The following SEC24B variants were observed in gnomAD, a reference collection of about 807,000 sequenced individuals.
SEC24B encodes SEC24 homolog B, COPII component.
In SEC24B, 45 loss-of-function variants were observed where a neutral mutation model predicts 142.8. That is an observed-to-expected ratio of 0.32 (90% CI 0.25 to 0.40). SEC24B has a LOEUF of 0.40. SEC24B is among the 10% of genes least tolerant of loss of function. The pLI, the probability that SEC24B is intolerant of heterozygous loss-of-function variation, is 1.00. For synonymous variants in SEC24B, 574 were observed against 568.2 expected, an observed-to-expected ratio of 1.01 and a Z score of -0.15; for missense variants, 1,409 against 1,526.8, an observed-to-expected ratio of 0.92 and a Z score of 1.29.
intron 3 of SEC24B, 143 bp from the exon 4 acceptor site, chr4:109,481,534 A>G: frequency 1.6e-6 from 1 of 606,620 alleles, no homozygotes. Context: ...TAGTTTTGAT[A>G]ATGAATTTGC....
At chr4:109,507,444 T>A (rs1169125171) in intron 7 of SEC24B, among the ~76,000 whole-genome samples, 2 of 151,574 alleles carry the variant, frequency 1.3e-5, no homozygotes, top group African/African-American at 2.4e-5. Flanking sequence ...TGTCTAATTT[T>A]TGTATTTTTA....
At position 109,533,665 on chromosome 4, in the gene SEC24B, G is replaced by A. The variant is rs751903722; in HGVS notation, c.3568G>A (p.Ala1190Thr). The change falls in exon 22 of 24, where the codon GCA becomes ACA. Residue 1190 changes from alanine (A) to threonine (T), a missense_variant. Physicochemically the swap from Ala to Thr is moderately conservative, Grantham distance 58. Transcript: ENST00000265175. Reference sequence around the variant, plus strand: ...GGATGTGCTTGGATATACTAATTTTGCATCAATACCACAGAAAATGGTCAG... The same window carrying A: ...GGATGTGCTTGGATATACTAATTTTACATCAATACCACAGAAAATGGTCAG... ...IEDVLGYTNF[A>T]SIPQKMTHLP... The A allele has an allele frequency of 1.9e-6, 3 of 1,601,730 alleles. No individual in the cohort carries two copies. The highest frequency in any genetic ancestry group is 1.7e-6 in the Non-Finnish European group (2 of 1,173,014).
chr4:109,493,315 T>A (rs932972592), intron 5 of SEC24B, among the ~76,000 whole-genome samples: 1 of 152,288 alleles, frequency 6.6e-6, no homozygotes, highest in East Asian at 1.9e-4. Flanking sequence ...GTTAAATGTT[T>A]CTAAGAATAT....
intron 1 of SEC24B, among the ~76,000 whole-genome samples, chr4:109,444,877 T>C (rs1448985908): frequency 1.3e-5 from 2 of 152,228 alleles, no homozygotes; most frequent in Non-Finnish European, 2.9e-5. Flanking sequence ...CATAGTTCAC[T>C]TGAAGCTAAG....
chr4:109,436,317 T>C (rs1484865687), intron 1 of SEC24B, among the ~76,000 whole-genome samples: 1 of 152,194 alleles, frequency 6.6e-6, no homozygotes, highest in Admixed American at 6.5e-5. Context: ...GGTATCAGCA[T>C]GTAGTAAGCA....
Position 109,526,283 on chromosome 4 carries a change from C to A in SEC24B, c.2849C>A (p.Ser950Tyr). 1 of 1,614,008 alleles carries A rather than the reference C, an allele frequency of 6.2e-7. No homozygotes were observed. Among genetic ancestry groups the A allele is most frequent in the Non-Finnish European group, 8.5e-7 (1 of 1,179,946 alleles). The change falls in exon 17 of 24, where the codon TCC (serine) becomes TAC (tyrosine). Residue 950 changes from serine to tyrosine, a missense_variant. Physicochemically the swap from Ser to Tyr is moderately radical, Grantham distance 144. This residue lies in a region of SEC24B where 700 missense variants were observed against 853.3 expected (regional missense o/e 0.82). Coordinates refer to ENST00000265175, the MANE Select transcript of SEC24B (RefSeq NM_006323.5). Reference protein sequence around the residue: ...NFFVRSTDLLSLANINPDAGF... With the variant: ...NFFVRSTDLLYLANINPDAGF... ...TTTGTCCGTTCTACTGATTTGTTATCCCTTGCCAACATCAATCCTGATGCT... is the reference window on the plus strand; with the variant it reads ...TTTGTCCGTTCTACTGATTTGTTATACCTTGCCAACATCAATCCTGATGCT...
At chr4:109,461,114 G>T (rs532050449) in intron 1 of SEC24B, among the ~76,000 whole-genome samples, 1 of 152,064 alleles carries the variant, frequency 6.6e-6, no homozygotes, top group African/African-American at 2.4e-5. Flanking sequence ...TAAGGAAATC[G>T]CAATGCTACA....
chr4:109,526,235 T>A lies in SEC24B; in HGVS notation c.2801T>A (p.Met934Lys). 6.2e-7 allele frequency: 1 copy of A among 1,613,752 alleles called. No homozygotes were observed. Among genetic ancestry groups the A allele is most frequent in the East Asian group, 2.2e-5 (1 of 44,834 alleles). ...ATTTTCTCCTTTTTAGGTCTTTCAA[T>A]GCACACTTTTCACGGTAACTTCTTT... is the stretch of plus-strand genomic sequence containing the variant. ...MRIRCTKGLS[M>K]HTFHGNFFVR... Residue 934 changes from methionine to lysine, a missense_variant, in exon 17 of 24, where the codon ATG becomes AAG. Transcript: ENST00000265175.
chr4:109,444,669 C>T (rs1173274246), intron 1 of SEC24B, among the ~76,000 whole-genome samples: 1 of 151,708 alleles, frequency 6.6e-6, no homozygotes, highest in African/African-American at 2.4e-5. Flanking sequence ...TTTAGTCCTG[C>T]TAAGGAGGGC....
intron 11 of SEC24B, among the ~76,000 whole-genome samples, chr4:109,518,924 A>T (rs765399908): frequency 1.3e-5 from 2 of 149,406 alleles, no homozygotes; most frequent in Non-Finnish European, 2.9e-5. Context: ...CTCCCACTTC[A>T]GCCTCCTTAG....
intron 3 of SEC24B, among the ~76,000 whole-genome samples, chr4:109,478,285 TAAA>T (rs10616592): frequency 7.0e-6 from 1 of 142,104 alleles, no homozygotes; most frequent in African/African-American, 2.6e-5. Flanking sequence ...GACTCTGTCT[TAAA>T]AAAAAAAAAA....
intron 18 of SEC24B, among the ~76,000 whole-genome samples, chr4:109,529,109 G>A (rs571214569): frequency 6.6e-6 from 1 of 151,802 alleles, no homozygotes; most frequent in South Asian, 2.1e-4. Context: ...GTTGCAATGA[G>A]CCAAGATCGC....
chr4:109,486,727 T>C (rs1039255266), intron 4 of SEC24B, among the ~76,000 whole-genome samples: 12 of 152,230 alleles, frequency 7.9e-5, no homozygotes, highest in South Asian at 2.1e-4. Flanking sequence ...ACCAAAGCCA[T>C]TGATTCAGTG....
intron 4 of SEC24B, among the ~76,000 whole-genome samples, chr4:109,484,579 A>G (rs919029870): frequency 4.6e-5 from 7 of 152,122 alleles, no homozygotes; most frequent in African/African-American, 1.4e-4. Context: ...GGCTAGGTGC[A>G]GTGGCTCACG....
chr4:109,496,293 A>G (rs975022837), intron 6 of SEC24B, among the ~76,000 whole-genome samples: 4 of 151,930 alleles, frequency 2.6e-5, no homozygotes, highest in African/African-American at 9.7e-5. Flanking sequence ...TTGTATTTTT[A>G]GTAGAGATGG....
At chr4:109,455,006 C>T (rs28597954) in intron 1 of SEC24B, among the ~76,000 whole-genome samples, 18,012 of 152,178 alleles carry the variant, frequency 0.12, 3,542 homozygotes, top group African/African-American at 0.41. Context: ...CATGGCTGTC[C>T]GTACTTTGTT....
chr4:109,529,422 C>T (rs1724645940), intron 18 of SEC24B, among the ~76,000 whole-genome samples: 1 of 151,588 alleles, frequency 6.6e-6, no homozygotes, highest in Non-Finnish European at 1.5e-5. Context: ...ATTTTTAGTG[C>T]TTGGGCATAT....
chr4:109,469,433 A>G lies in SEC24B; in HGVS notation c.878-3571A>G, dbSNP rs374125509. ...TAGTGCTATCCTCATAAAGTTTGCAATTCACTTAGAGAAGCAAGTATTATC... is the reference window on the plus strand; with the variant it reads ...TAGTGCTATCCTCATAAAGTTTGCAGTTCACTTAGAGAAGCAAGTATTATC... On this transcript the variant is annotated intron_variant, in intron 2 of 23. Transcript: ENST00000265175. 1.4e-3 allele frequency among the ~76,000 whole-genome samples: 216 copies of G among 152,356 alleles called. 2 individuals carry two copies. Among genetic ancestry groups the G allele is most frequent in the African/African-American group, 4.8e-3 (200 of 41,586 alleles).
At chr4:109,462,341 G>A (rs1187384308) in intron 1 of SEC24B, among the ~76,000 whole-genome samples, 1 of 152,204 alleles carries the variant, frequency 6.6e-6, no homozygotes, top group Non-Finnish European at 1.5e-5. Flanking sequence ...AGATAAACTT[G>A]GGAGCAGCCT....
Sources: allele counts gnomAD v4.1 joint callset (sites outside exome capture counted in the v4.1 genomes callset), GRCh38; gene constraint gnomAD v4.1.1; regional missense constraint gnomAD v4.1.1; transcripts MANE v1.5; gene names NCBI Gene and HGNC (gene_info 2026-07-23, HGNC 2026-07-21).